Variants in FANK1 observed in about 807,000 individuals in gnomAD.
FANK1 encodes fibronectin type III and ankyrin repeat domains 1.
A neutral mutation model predicts 45.3 loss-of-function variants in FANK1; 44 were observed. The observed-to-expected ratio is 0.97, with a 90% CI of 0.76 to 1.25. FANK1 has a LOEUF of 1.25. Among genes scored for constraint, FANK1 ranks in the 50% most tolerant of loss-of-function variants. The pLI is 0.00. For missense variants in FANK1, 391 were observed against 424.4 expected (o/e 0.92, Z 0.69); for synonymous variants, 149 against 152.5 (o/e 0.98, Z 0.17).
chr10:126,007,647 C>T lies in FANK1; in HGVS notation c.706-760C>T, dbSNP rs542926793. 6.1e-4 allele frequency among the ~76,000 whole-genome samples: 92 copies of T among 152,052 alleles called. 1 individual carries two copies. In the South Asian group the frequency reaches 0.018, roughly 30 times the overall value. On this transcript the variant is annotated intron_variant, in intron 7 of 10. Transcript: ENST00000368693. The stretch of plus-strand genomic sequence containing the variant: ...GTAACAGATTGTGTGTGTGCGTGCA[C>T]GTGCTCATGTGTGCTTATGTGCACA...
chr10:126,008,318 T>C (rs1288280627), intron 7 of FANK1, 89 bp from the exon 8 acceptor site: 2 of 1,464,182 alleles, frequency 1.4e-6, no homozygotes, highest in Non-Finnish European at 9.1e-7. Flanking sequence ...AGTCCGGGTG[T>C]TGGGGCAAGC....
intron 1 of FANK1, among the ~76,000 whole-genome samples, chr10:125,908,999 C>T (rs1452064456): frequency 6.6e-6 from 1 of 152,274 alleles, no homozygotes; most frequent in Non-Finnish European, 1.5e-5. Flanking sequence ...CTGCAGTCAT[C>T]CGAAGGCTTG....
chr10:125,907,845 G>C (rs865911579), intron 1 of FANK1, among the ~76,000 whole-genome samples: 1 of 152,112 alleles, frequency 6.6e-6, no homozygotes, highest in Admixed American at 6.5e-5. Context: ...ATAAGGAAAT[G>C]AATTTTGTCA....
intron 1 of FANK1, among the ~76,000 whole-genome samples, chr10:125,935,008 G>A (rs1351742101): frequency 2.0e-5 from 3 of 152,048 alleles, no homozygotes; most frequent in African/African-American, 7.2e-5. Flanking sequence ...GCAGGGTGGA[G>A]GCTATGCTGT....
At chr10:125,905,442 G>A (rs79605705) in intron 1 of FANK1, among the ~76,000 whole-genome samples, 1 of 152,310 alleles carries the variant, frequency 6.6e-6, no homozygotes, top group African/African-American at 2.4e-5. Context: ...ACTAGACATA[G>A]GAGTTTACAT....
chr10:125,914,091 T>G (rs1479086588), intron 1 of FANK1, among the ~76,000 whole-genome samples: 2 of 152,056 alleles, frequency 1.3e-5, no homozygotes, highest in Non-Finnish European at 2.9e-5. Context: ...CCATTAGAAC[T>G]CTTCTAAACT....
rs112988189 is a variant in FANK1 at position 125,904,533 on chromosome 10, C to T, written c.13+7878C>T. ...AGTCAAGTTCCAGTGATCCTCCCAC[C>T]TCAGCCTCTTGAGTAGCTGGGACTA... On this transcript the variant is annotated intron_variant, in intron 1 of 10. Transcript: ENST00000368693. Among the ~76,000 whole-genome samples, 110 of 151,852 alleles carry T rather than the reference C, an allele frequency of 7.2e-4. No individual in the cohort carries two copies. The Middle Eastern group carries it at 0.017, about 23-fold the overall frequency.
intron 4 of FANK1, 140 bp downstream of exon 4, chr10:125,995,638 T>C: frequency 1.4e-6 from 1 of 705,294 alleles, no homozygotes; most frequent in Non-Finnish European, 2.5e-6. Flanking sequence ...GTGACTGGTG[T>C]GAGTTAATAA....
rs144591770 is a variant in FANK1 at position 125,985,859 on chromosome 10, G to A, written c.192-2692G>A. On this transcript the variant is annotated intron_variant, in intron 2 of 10. Transcript: ENST00000368693. ...GGCCAGGACAGCAGGAGACTGGCTG[G>A]GCTTTTTCATCTCCTTTGTGGTCTG... 2.8e-4 allele frequency among the ~76,000 whole-genome samples: 43 copies of A among 152,244 alleles called. No homozygotes were observed. In the East Asian group the frequency reaches 6.0e-3, roughly 21 times the overall value.
intron 1 of FANK1, among the ~76,000 whole-genome samples, chr10:125,967,272 G>A (rs1380452923): frequency 1.3e-5 from 2 of 152,188 alleles, no homozygotes; most frequent in Non-Finnish European, 2.9e-5. Flanking sequence ...CCCTGGGTTT[G>A]AATCCTGGCT....
At position 126,005,044 on chromosome 10, in the gene FANK1, T is replaced by C; in HGVS notation, c.700T>C (p.Cys234Arg). ...SVIEWMIKDG[C>R]EVDVVDTGSG... is the part of the protein sequence containing the mutation. ...GATTGAGTGGATGATAAAGGATGGC[T>C]GTGAGGTACGGGACCTGCCTTGTTA... The change falls in exon 7 of 11, where the codon TGT becomes CGT. Residue 234 changes from cysteine (C) to arginine (R), a missense_variant. Coordinates refer to ENST00000368693, the MANE Select transcript of FANK1 (RefSeq NM_145235.5). 1 of 1,613,358 alleles carries C rather than the reference T, an allele frequency of 6.2e-7. No individual in the cohort carries two copies.
At chr10:126,003,722 T>C (rs1231503229) in intron 6 of FANK1, among the ~76,000 whole-genome samples, 4 of 152,040 alleles carry the variant, frequency 2.6e-5, no homozygotes, top group Non-Finnish European at 2.9e-5. Context: ...CTCTCCCAGG[T>C]TGGAGTGCAG....
At chr10:125,956,635 G>A (rs1949595680) in intron 1 of FANK1, among the ~76,000 whole-genome samples, 2 of 152,132 alleles carry the variant, frequency 1.3e-5, no homozygotes, top group Admixed American at 1.3e-4. Context: ...TAGTTAGGCA[G>A]TTTAAAATTA....
At chr10:125,946,127 C>T (rs1948780442) in intron 1 of FANK1, among the ~76,000 whole-genome samples, 4 of 152,028 alleles carry the variant, frequency 2.6e-5, no homozygotes, top group Admixed American at 6.5e-5. Context: ...TCATCAAAGA[C>T]CAAAAGTAGA....
intron 1 of FANK1, among the ~76,000 whole-genome samples, chr10:125,963,531 G>A (rs1950044067): frequency 6.6e-6 from 1 of 152,166 alleles, no homozygotes; most frequent in Non-Finnish European, 1.5e-5. Flanking sequence ...AAGAAAATGT[G>A]GCACATATAC....
intron 1 of FANK1, among the ~76,000 whole-genome samples, chr10:125,951,430 T>C (rs1247535528): frequency 6.6e-6 from 1 of 152,176 alleles, no homozygotes; most frequent in African/African-American, 2.4e-5. Context: ...AACTTCACAG[T>C]GTTGCTGTGA....
intron 1 of FANK1, among the ~76,000 whole-genome samples, chr10:125,916,102 A>G (rs1371174568): frequency 6.6e-6 from 1 of 151,934 alleles, no homozygotes; most frequent in African/African-American, 2.4e-5. Flanking sequence ...TAGTGGTGCA[A>G]TCTCAGCTCA....
chr10:126,006,304 G>A (rs1953193609), intron 7 of FANK1, among the ~76,000 whole-genome samples: 1 of 152,198 alleles, frequency 6.6e-6, no homozygotes, highest in Non-Finnish European at 1.5e-5. Flanking sequence ...GCTGCTTTTG[G>A]AGAATTAAGA....
intron 1 of FANK1, among the ~76,000 whole-genome samples, chr10:125,949,917 G>C (rs946095174): frequency 7.0e-6 from 1 of 142,536 alleles, no homozygotes; most frequent in African/African-American, 2.6e-5. Flanking sequence ...CCAAAAGAGA[G>C]ATATAGATCA....
Sources: allele counts gnomAD v4.1 joint callset (sites outside exome capture counted in the v4.1 genomes callset), GRCh38; gene constraint gnomAD v4.1.1; transcripts MANE v1.5; gene names NCBI Gene and HGNC (gene_info 2026-07-23, HGNC 2026-07-21).